The following TAGAP variants were observed in gnomAD, a reference collection of about 807,000 sequenced individuals.
The protein encoded by TAGAP is T-cell activation Rho GTPase-activating protein.
Under a neutral mutation model 36.0 loss-of-function variants are expected in TAGAP, and 16 were observed. That is an observed-to-expected ratio of 0.44 (90% CI 0.30 to 0.68). The LOEUF is 0.68. TAGAP is among the 30% of genes least tolerant of loss of function. The probability of loss-of-function intolerance (pLI) is 0.09; values close to 1 mark genes in which losing one functional copy is unlikely to be tolerated. For synonymous variants in TAGAP, 372 were observed against 377.4 expected (o/e 0.99, Z 0.17); for missense variants, 794 against 921.5 (o/e 0.86, Z 1.79).
rs1178685727 is a variant in TAGAP, at chr6:159,036,610, G to C, written c.1413C>G (p.Ser471Arg). 6.2e-7 allele frequency: 1 copy of C among 1,614,044 alleles called. No individual in the cohort carries two copies. The highest frequency in any genetic ancestry group is 2.2e-5 in the East Asian group (1 of 44,884). ...GACTGGAAGGAGAAGCCACGGGCGA[G>C]CTGTCAGAGGACGCGTCCAGCGAGC... is the stretch of plus-strand genomic sequence containing the variant. The part of the protein sequence containing the change: ...SSSSLDASSD[S>R]SPVASPSSPK... The change falls in exon 10 of 10, where the codon AGC (serine) becomes AGG (arginine). Residue 471 changes from serine (S) to arginine (R), a missense_variant. By Grantham distance (110) the Ser-to-Arg change is moderately radical (BLOSUM62 -1). Transcript: ENST00000367066. This position sits in a 1 kb window ranked among gnomAD's most constrained non-coding sequence, Gnocchi z 4.9.
Position 159,035,306 on chromosome 6 carries a change from GTTTC to G in TAGAP, c.*517_*520del, listed in dbSNP as rs1162730673. ...CACTCAACTCTGTTCCTTGCAGTCT[GTTTC>G]TTTCTTCTATGGTGGTGATTAGTTA... On this transcript the variant is annotated 3_prime_UTR_variant, in exon 10 of 10. Transcript: ENST00000367066. The G allele has an allele frequency of 6.6e-6, 1 of 152,312 alleles. No homozygotes were observed. Among genetic ancestry groups the G allele is most frequent in the Non-Finnish European group, 1.5e-5 (1 of 68,100 alleles). The allele number at this position is 152,312 out of a possible 1,614,324, so 9.4% of individuals were successfully genotyped here.
Position 159,041,904 on chromosome 6 carries a change from A to AATACAACTAATT in TAGAP, c.315+173_315+174insAATTAGTTGTAT. 1 of 714,836 alleles carries AATACAACTAATT rather than the reference A, an allele frequency of 1.4e-6. No homozygotes were observed. The highest frequency in any genetic ancestry group is 2.3e-6 in the Non-Finnish European group (1 of 429,190). The allele number at this position is 714,836 out of a possible 1,614,324, so 44.3% of individuals were successfully genotyped here. A position where few individuals can be genotyped will look rare whatever the true frequency, so the allele number is the denominator to read the frequency against. ...AACTAATTTCAATTTCTGGAATGGAAGCAGTCAGATATTCTTCTGACTGCA... is the reference window on the plus strand; with the variant it reads ...AACTAATTTCAATTTCTGGAATGGAAATACAACTAATTGCAGTCAGATATTCTTCTGACTGCA... On this transcript the variant is annotated intron_variant, in intron 5 of 9. Transcript: ENST00000367066. The surrounding 1 kb of genome is among the most constrained non-coding windows in gnomAD (Gnocchi z 4.1).
chr6:159,044,107 G>C lies in TAGAP; in HGVS notation c.27+13C>G, dbSNP rs1471569404. 4 of 1,613,908 alleles carry C rather than the reference G, an allele frequency of 2.5e-6. No homozygotes were observed. Among genetic ancestry groups the C allele is most frequent in the African/African-American group, 2.7e-5 (2 of 74,926 alleles). ...AGGAAACGTGAATGAATGAATGTGA[G>C]AGGGGCACTCACAGCATTGTGGCTG... On this transcript the variant is annotated intron_variant, in intron 2 of 9. Coordinates refer to ENST00000367066, the MANE Select transcript of TAGAP (RefSeq NM_054114.5).
intron 4 of TAGAP, chr6:159,043,180 A>G (rs1369356803): frequency 5.9e-6 from 1 of 169,318 alleles, no homozygotes; most frequent in African/African-American, 2.4e-5. Flanking sequence ...ATTATGAAAA[A>G]AGTTGAGAGT....
intron 7 of TAGAP, 76 bp from the exon 8 acceptor site, chr6:159,039,385 G>C: frequency 6.8e-7 from 1 of 1,462,634 alleles, no homozygotes; most frequent in Non-Finnish European, 9.4e-7. Flanking sequence ...AGTTTCTGCC[G>C]AAACCAGACT....
At chr6:159,039,351 T>A in intron 7 of TAGAP, 42 bp from the exon 8 acceptor site, 1 of 1,587,652 alleles carries the variant, frequency 6.3e-7, no homozygotes, top group Non-Finnish European at 8.6e-7. Context: ...AAAAGGCTAA[T>A]GGTCTTCAGT....
At chr6:159,040,073 T>G (rs1178081698) in intron 7 of TAGAP, among the ~76,000 whole-genome samples, 2 of 152,252 alleles carry the variant, frequency 1.3e-5, no homozygotes, top group Non-Finnish European at 2.9e-5. Flanking sequence ...TTATAACATT[T>G]AGATAAACTT....
At chr6:159,039,913 A>G (rs183228761) in intron 7 of TAGAP, among the ~76,000 whole-genome samples, 110 of 152,358 alleles carry the variant, frequency 7.2e-4, no homozygotes, top group African/African-American at 2.4e-3. Context: ...GATTATTTTC[A>G]TTTCTCAGAA....
Position 159,036,332 on chromosome 6 carries a change from T to C in TAGAP, c.1691A>G (p.Gln564Arg). The C allele has an allele frequency of 1.2e-6, 2 of 1,613,770 alleles. No individual in the cohort carries two copies. Among genetic ancestry groups the C allele is most frequent in the East Asian group, 2.2e-5 (1 of 44,842 alleles). The change falls in exon 10 of 10, where the codon CAA becomes CGA. Residue 564 changes from glutamine to arginine, a missense_variant. By Grantham distance (43) the Gln-to-Arg change is conservative. Transcript: ENST00000367066. The surrounding 1 kb of genome is among the most constrained non-coding windows in gnomAD (Gnocchi z 4.9). ...VQENGCETHN[Q>R]TARGFCLRPH... The stretch of plus-strand genomic sequence containing the variant: ...TCTCAGGCAGAAGCCGCGGGCTGTT[T>C]GGTTGTGGGTTTCACACCCATTTTC...
Position 159,037,262 on chromosome 6 carries a change from G to A in TAGAP, c.899-138C>T, listed in dbSNP as rs1390830845. The A allele has an allele frequency of 4.3e-6, 3 of 701,628 alleles. No individual in the cohort carries two copies. In the Admixed American group the frequency reaches 1.1e-4, roughly 26 times the overall value. The allele number at this position is 701,628 out of a possible 1,614,324, so 43.5% of individuals were successfully genotyped here. Reference sequence around the variant, plus strand: ...GCTGGAGTGCAGTGATGTGATCTCGGCTCACTGCAACCTCTACCTCCCGGG... The same window carrying A: ...GCTGGAGTGCAGTGATGTGATCTCGACTCACTGCAACCTCTACCTCCCGGG... On this transcript the variant is annotated intron_variant, in intron 9 of 9. Coordinates refer to ENST00000367066, the MANE Select transcript of TAGAP (RefSeq NM_054114.5). This position sits in a 1 kb window ranked among gnomAD's most constrained non-coding sequence, Gnocchi z 5.1.
rs760010198 is a variant in TAGAP, at chr6:159,038,126, T to A, written c.886A>T (p.Thr296Ser). The A allele has an allele frequency of 6.2e-7, 1 of 1,607,606 alleles. No homozygotes were observed. Among genetic ancestry groups the A allele is most frequent in the South Asian group, 1.1e-5 (1 of 90,692 alleles). ...GCACATTCCATACCTGAACTGTCAG[T>A]GTGCTCCAGGGAGTCATCAGAAGTG... ...SITSDDSLEH[T>S]DSSDVSTLQN... The change falls in exon 9 of 10, where the codon ACT becomes TCT. Residue 296 changes from threonine to serine, a missense_variant. Physicochemically the swap from Thr to Ser is moderately conservative, Grantham distance 58 (BLOSUM62 1). Transcript: ENST00000367066.
chr6:159,042,291 TAAG>T, intron 4 of TAGAP, 47 bp from the exon 5 acceptor site: 5 of 1,576,878 alleles, frequency 3.2e-6, no homozygotes, highest in Non-Finnish European at 4.3e-6. Context: ...ACTACAGTGT[TAAG>T]AAGCAAAGAT....
chr6:159,042,011 G>T, intron 5 of TAGAP, 67 bp downstream of exon 5: 1 of 1,522,758 alleles, frequency 6.6e-7, no homozygotes, highest in Non-Finnish European at 8.9e-7. Flanking sequence ...ATGACATTCA[G>T]ATTTCCCGAG....
rs769763460 is a variant in TAGAP at position 159,035,947 on chromosome 6, G to A, written c.2076C>T (p.Leu692=). The A allele has an allele frequency of 2.5e-6, 4 of 1,614,198 alleles. No individual in the cohort carries two copies. Among genetic ancestry groups the A allele is most frequent in the Non-Finnish European group, 3.4e-6 (4 of 1,180,012 alleles). ...CGGACTCGGAGACGGTCCTCAGCGG[G>A]AGGAGCTCAGGTCTCCCTGGGCCAG... ...HVSGPGRPEL[L]PLRTVSESVQ... is the part of the protein sequence containing the mutation. The change falls in exon 10 of 10, where the codon CTC becomes CTT. Residue 692 remains leucine, a synonymous_variant. Transcript: ENST00000367066.
In TAGAP at chr6:159,041,828, G is replaced by A; in HGVS notation, c.315+250C>T. The A allele has an allele frequency of 1.8e-6, 1 of 554,422 alleles. No homozygotes were observed. The highest frequency in any genetic ancestry group is 3.1e-6 in the Non-Finnish European group (1 of 318,346). The allele number at this position is 554,422 out of a possible 1,614,324, so 34.3% of individuals were successfully genotyped here. A position where few individuals can be genotyped will look rare whatever the true frequency, so the allele number is the denominator to read the frequency against. On this transcript the variant is annotated intron_variant, in intron 5 of 9. Coordinates refer to ENST00000367066, the MANE Select transcript of TAGAP (RefSeq NM_054114.5). This position sits in a 1 kb window ranked among gnomAD's most constrained non-coding sequence, Gnocchi z 4.1. ...ACAAATCTTCAGCATTCTCCACTCTGTGAAGTCAGAGGAATGGCGGGACCA... is the reference window on the plus strand; with the variant it reads ...ACAAATCTTCAGCATTCTCCACTCTATGAAGTCAGAGGAATGGCGGGACCA...
chr6:159,036,509 T>G lies in TAGAP; in HGVS notation c.1514A>C (p.Lys505Thr). Residue 505 changes from lysine to threonine, a missense_variant, in exon 10 of 10, where the codon AAA (lysine) becomes ACA (threonine). Transcript: ENST00000367066. The surrounding 1 kb of genome is among the most constrained non-coding windows in gnomAD (Gnocchi z 4.9). ...TEKGKPSREI[K>T]KHSMSFTFAP... ...AAAGGTGAAAGACATGGAGTGCTTT[T>G]TAATTTCTCGGCTGGGCTTGCCTTT... 1 of 1,614,184 alleles carries G rather than the reference T, an allele frequency of 6.2e-7. No individual in the cohort carries two copies. Among genetic ancestry groups the G allele is most frequent in the Non-Finnish European group, 8.5e-7 (1 of 1,180,030 alleles).
chr6:159,038,605 G>A (rs1779639818), intron 8 of TAGAP, among the ~76,000 whole-genome samples: 1 of 151,944 alleles, frequency 6.6e-6, no homozygotes, highest in African/African-American at 2.4e-5. Context: ...GCCCAGGCTG[G>A]TCTCAAACTC....
chr6:159,041,341 G>A lies in TAGAP; in HGVS notation c.477+13C>T, dbSNP rs1278344421. ...CCTTGGCAGGTTATTTGGCGCAAGT[G>A]TGTTGAACTCACCTTAAAGACCACA... On this transcript the variant is annotated intron_variant, in intron 6 of 9. Coordinates refer to ENST00000367066, the MANE Select transcript of TAGAP (RefSeq NM_054114.5). This position sits in a 1 kb window ranked among gnomAD's most constrained non-coding sequence, Gnocchi z 4.1. The A allele has an allele frequency of 1.2e-6, 2 of 1,612,372 alleles. No homozygotes were observed. Among genetic ancestry groups the A allele is most frequent in the African/African-American group, 1.3e-5 (1 of 74,916 alleles).
At chr6:159,040,100 C>A (rs2114792575) in intron 7 of TAGAP, among the ~76,000 whole-genome samples, 1 of 152,312 alleles carries the variant, frequency 6.6e-6, no homozygotes, top group East Asian at 1.9e-4. Context: ...GATGTGACAA[C>A]CATGCTGACA....
Sources: gnomAD v4.1 joint callset for allele counts (sites outside exome capture counted in the v4.1 genomes callset) on GRCh38, gnomAD v4.1.1 for gene constraint, Gnocchi (gnomAD v3.1) non-coding constraint, MANE v1.5 for transcripts, NCBI Gene and HGNC (gene_info 2026-07-23, HGNC 2026-07-21) for gene names.